The following PLA2G4C variants were observed in gnomAD, a reference collection of about 807,000 sequenced individuals.
PLA2G4C encodes the protein cytosolic phospholipase A2 gamma.
In PLA2G4C, 64 loss-of-function variants were observed where a neutral mutation model predicts 73.8. The observed-to-expected ratio is 0.87, with a 90% CI of 0.71 to 1.07. The LOEUF is 1.07. Among genes scored for constraint, PLA2G4C ranks in the 50% least tolerant of loss-of-function variants. The pLI, the probability that PLA2G4C is intolerant of heterozygous loss-of-function variation, is 0.00. For missense variants in PLA2G4C, 622 were observed against 665.4 expected, an observed-to-expected ratio of 0.93 and a Z score of 0.72; for synonymous variants, 254 against 252.1, an observed-to-expected ratio of 1.01 and a Z score of -0.07.
At position 48,062,000 on chromosome 19, in the gene PLA2G4C, C is replaced by A; in HGVS notation, c.1255G>T (p.Glu419Ter). The change falls in exon 14 of 17, where the codon GAG (glutamate) becomes TAG (stop). Residue 419 changes from glutamate (E) to a stop codon, truncating the protein, a stop_gained and splice_region_variant. Transcript: ENST00000599921. LOFTEE classifies it high-confidence loss of function. ...GCCCCAAAGCCCTTCTCGATTACCTCGAAAGGATCTCCGGCACTGAAGTCG... is the reference window on the plus strand; with the variant it reads ...GCCCCAAAGCCCTTCTCGATTACCTAGAAAGGATCTCCGGCACTGAAGTCG... ...SFDFSAGDPF[E>*]TIRATTDYCR... The A allele has an allele frequency of 6.2e-7, 1 of 1,613,718 alleles. No individual in the cohort carries two copies. Among genetic ancestry groups the A allele is most frequent in the East Asian group, 2.2e-5 (1 of 44,830 alleles).
intron 16 of PLA2G4C, among the ~76,000 whole-genome samples, chr19:48,049,962 A>G (rs1307914622): frequency 6.6e-6 from 1 of 152,166 alleles, no homozygotes; most frequent in African/African-American, 2.4e-5. Flanking sequence ...TCCCTCTGTC[A>G]GCAGGCTGGA....
At chr19:48,053,194 C>G (rs992266930) in intron 15 of PLA2G4C, 47 bp from the exon 16 acceptor site, 2 of 1,439,628 alleles carry the variant, frequency 1.4e-6, no homozygotes, top group African/African-American at 2.8e-5. Flanking sequence ...TGAGTTTGGA[C>G]AATTAATTCT....
chr19:48,057,602 G>A (rs1486409676), intron 14 of PLA2G4C, among the ~76,000 whole-genome samples: 1 of 145,370 alleles, frequency 6.9e-6, no homozygotes, highest in Non-Finnish European at 1.5e-5. Flanking sequence ...CGATTCTCCT[G>A]CCTCAGCCCC....
At chr19:48,110,352 A>C (rs948595419) in intron 1 of PLA2G4C, 135 bp downstream of exon 1, 1 of 564,070 alleles carries the variant, frequency 1.8e-6, no homozygotes, top group Admixed American at 4.1e-5. Flanking sequence ...TCTCAAAAAA[A>C]AATAAATAAA....
intron 7 of PLA2G4C, among the ~76,000 whole-genome samples, chr19:48,093,583 C>G (rs1037145064): frequency 6.6e-6 from 1 of 152,178 alleles, no homozygotes; most frequent in African/African-American, 2.4e-5. Flanking sequence ...TCATCTGTGT[C>G]CTTCAGGGTC....
chr19:48,062,725 GT>G (rs1568426572), intron 13 of PLA2G4C, among the ~76,000 whole-genome samples: 1 of 152,180 alleles, frequency 6.6e-6, no homozygotes, highest in African/African-American at 2.4e-5. Context: ...GTAAAATGGG[GT>G]TTTTGGCGTG....
intron 12 of PLA2G4C, chr19:48,074,444 T>C (rs1162076168): frequency 1.1e-5 from 4 of 350,426 alleles, no homozygotes; most frequent in Non-Finnish European, 2.2e-5. Context: ...GCAGTGAACA[T>C]ACATGTGCCT....
rs1967595709 is a variant in PLA2G4C, at chr19:48,048,288, C to T, written c.*55G>A. On this transcript the variant is annotated 3_prime_UTR_variant, in exon 17 of 17. Coordinates refer to ENST00000599921, the MANE Select transcript of PLA2G4C (RefSeq NM_003706.3). ...GTGAAGAACAGGAAGGCCAGGTGGACATCAGGGCCCTAGTAGACCAACAGG... is the reference window on the plus strand; with the variant it reads ...GTGAAGAACAGGAAGGCCAGGTGGATATCAGGGCCCTAGTAGACCAACAGG... 1.4e-6 allele frequency: 2 copies of T among 1,388,296 alleles called. No homozygotes were observed. The highest frequency in any genetic ancestry group is 2.9e-5 in the African/African-American group (2 of 68,916). The allele number at this position is 1,388,296 out of a possible 1,614,324, so 86.0% of individuals were successfully genotyped here.
intron 4 of PLA2G4C, among the ~76,000 whole-genome samples, chr19:48,100,603 TAAAAAAAAAAAA>T (rs745962740): frequency 2.5e-5 from 1 of 40,684 alleles, no homozygotes; most frequent in South Asian, 1.0e-3. Flanking sequence ...TGACTCCATC[TAAAAAAAAAAAA>T]AAAAAAAAAA....
Position 48,067,783 on chromosome 19 carries a change from C to T in PLA2G4C, c.1102+8G>A, listed in dbSNP as rs2122515695. 6.3e-7 allele frequency: 1 copy of T among 1,586,302 alleles called. No individual in the cohort carries two copies. The highest frequency in any genetic ancestry group is 8.7e-7 in the Non-Finnish European group (1 of 1,154,798). Reference sequence around the variant, plus strand: ...CAGACCAGGGCGGTGGGAAGAGGGTCTTCTCACCGTGTTTGTACAGGAAGT... The same window carrying T: ...CAGACCAGGGCGGTGGGAAGAGGGTTTTCTCACCGTGTTTGTACAGGAAGT... On this transcript the variant is annotated splice_region_variant and intron_variant, in intron 13 of 16. Transcript: ENST00000599921.
At chr19:48,085,000 T>G (rs2030887902) in intron 10 of PLA2G4C, 59 bp downstream of exon 10, 2 of 1,227,736 alleles carry the variant, frequency 1.6e-6, no homozygotes, top group African/African-American at 1.5e-5. Context: ...AAAAGTACTG[T>G]GAATCTCCTT....
chr19:48,080,765 C>G lies in PLA2G4C; in HGVS notation c.845-2941G>C, dbSNP rs1214171438. Among the ~76,000 whole-genome samples, 4 of 149,222 alleles carry G rather than the reference C, an allele frequency of 2.7e-5. No homozygotes were observed. In the Admixed American group the frequency reaches 2.7e-4, roughly 10 times the overall value. On this transcript the variant is annotated intron_variant, in intron 10 of 16. Transcript: ENST00000599921. ...TGGAGGTTGCAGTGAGATTGCACCA[C>G]TGCATTCCAGCCTGGGCAACAGAGC...
At chr19:48,085,003 A>C in intron 10 of PLA2G4C, 56 bp downstream of exon 10, 1 of 1,249,678 alleles carries the variant, frequency 8.0e-7, no homozygotes, top group South Asian at 1.2e-5. Flanking sequence ...AGTACTGTGA[A>C]TCTCCTTGCA....
chr19:48,074,239 G>T (rs933016425), intron 12 of PLA2G4C, among the ~76,000 whole-genome samples: 21 of 152,100 alleles, frequency 1.4e-4, no homozygotes, highest in Non-Finnish European at 2.8e-4. Flanking sequence ...GTGGTGTTTG[G>T]TTTTCTGTTC....
rs1213907276 is a variant in PLA2G4C at position 48,095,538 on chromosome 19, G to T, written c.635C>A (p.Thr212Asn). 4 of 1,613,996 alleles carry T rather than the reference G, an allele frequency of 2.5e-6. No homozygotes were observed. Among genetic ancestry groups the T allele is most frequent in the Non-Finnish European group, 3.4e-6 (4 of 1,179,890 alleles). Reference protein sequence around the residue: ...FSALGAFVSITHFGSKFKKGR... With the variant: ...FSALGAFVSINHFGSKFKKGR... Reference sequence around the variant, plus strand: ...CTTCTTGAATTTGCTTCCGAAGTGGGTTATGGAAACAAAGGCCCCCAGTGC... The same window carrying T: ...CTTCTTGAATTTGCTTCCGAAGTGGTTTATGGAAACAAAGGCCCCCAGTGC... Residue 212 changes from threonine (T) to asparagine (N), a missense_variant, in exon 7 of 17, where the codon ACC becomes AAC. Coordinates refer to ENST00000599921, the MANE Select transcript of PLA2G4C (RefSeq NM_003706.3).
At chr19:48,102,713 C>T (rs1331558807) in intron 4 of PLA2G4C, among the ~76,000 whole-genome samples, 2 of 152,098 alleles carry the variant, frequency 1.3e-5, no homozygotes, top group Non-Finnish European at 2.9e-5. Context: ...TCTGATGAGG[C>T]CTTTCTCCCA....
chr19:48,048,289 A>T lies in PLA2G4C; in HGVS notation c.*54T>A, dbSNP rs9226. 956,135 of 1,412,746 alleles carry T rather than the reference A, an allele frequency of 0.68. 326,418 individuals carry two copies. The highest frequency in any genetic ancestry group is 0.92 in the East Asian group (37,874 of 41,262). 87.5% of individuals were successfully genotyped at this position (1,412,746 alleles called of 1,614,324 possible). Reference sequence around the variant, plus strand: ...TGAAGAACAGGAAGGCCAGGTGGACATCAGGGCCCTAGTAGACCAACAGGC... The same window carrying T: ...TGAAGAACAGGAAGGCCAGGTGGACTTCAGGGCCCTAGTAGACCAACAGGC... On this transcript the variant is annotated 3_prime_UTR_variant, in exon 17 of 17. Transcript: ENST00000599921.
rs747708935 is a variant in PLA2G4C at position 48,105,337 on chromosome 19, T to A, written c.116A>T (p.Asp39Val). ...KALKKLRIEA[D>V]EAPVVAVLGS... The stretch of plus-strand genomic sequence containing the variant: ...CACCCTCCTCCCCTCACTTACCTCA[T>A]CAGCCTCAATCCTTAGCTTCTTCAG... Residue 39 changes from aspartate (D) to valine (V), a missense_variant, in exon 3 of 17, where the codon GAT (aspartate) becomes GTT (valine). Transcript: ENST00000599921. The A allele has an allele frequency of 5.6e-6, 9 of 1,609,620 alleles. No individual in the cohort carries two copies. Among genetic ancestry groups the A allele is most frequent in the Non-Finnish European group, 7.6e-6 (9 of 1,176,938 alleles).
chr19:48,053,672 C>T (rs1967817950), intron 15 of PLA2G4C, among the ~76,000 whole-genome samples: 1 of 136,444 alleles, frequency 7.3e-6, no homozygotes. Context: ...CGCGCCTGGC[C>T]CCCTGCTTCC....
Sources: allele counts gnomAD v4.1 joint callset (sites outside exome capture counted in the v4.1 genomes callset), GRCh38; gene constraint gnomAD v4.1.1; transcripts MANE v1.5; gene names NCBI Gene and HGNC (gene_info 2026-07-23, HGNC 2026-07-21).